Variants in WNK1 observed in about 807,000 individuals in gnomAD.
The protein encoded by WNK1 is WNK lysine deficient protein kinase 1.
Under a neutral mutation model 222.8 loss-of-function variants are expected in WNK1, and 38 were observed. The ratio of observed to expected loss-of-function variants is 0.17; its 90% confidence interval spans 0.13 to 0.22. The LOEUF is 0.22. Among genes scored for constraint, WNK1 ranks in the 10% least tolerant of loss-of-function variants. The probability of loss-of-function intolerance (pLI) is 1.00; values close to 1 mark genes in which losing one functional copy is unlikely to be tolerated. For synonymous variants in WNK1, 1,090 were observed against 1,092.9 expected (o/e 1.00, Z 0.05); for missense variants, 2,348 against 2,918.4 (o/e 0.80, Z 4.50).
At chr12:799,270 GCAC>G (rs1020438013) in intron 1 of WNK1, among the ~76,000 whole-genome samples, 1 of 151,466 alleles carries the variant, frequency 6.6e-6, no homozygotes, top group Non-Finnish European at 1.5e-5. Context: ...CCTCAGGCGT[GCAC>G]CACCATGTCT....
At chr12:790,254 T>C (rs1005547688) in intron 1 of WNK1, among the ~76,000 whole-genome samples, 3 of 152,118 alleles carry the variant, frequency 2.0e-5, no homozygotes, top group Admixed American at 6.5e-5. Context: ...TCTTTTCATG[T>C]TTTTATTTTT....
chr12:860,634 G>T (rs12816718), intron 6 of WNK1, among the ~76,000 whole-genome samples: 25,161 of 152,166 alleles, frequency 0.17, 2,234 homozygotes, highest in Middle Eastern at 0.21. Context: ...AAAAGAAAGT[G>T]AAATCAACAC....
chr12:907,857 C>T lies in WNK1; in HGVS notation c.6654C>T (p.Ser2218=). The T allele has an allele frequency of 6.2e-7, 1 of 1,613,716 alleles. No individual in the cohort carries two copies. Among genetic ancestry groups the T allele is most frequent in the South Asian group, 1.1e-5 (1 of 91,052 alleles). Residue 2218 remains serine, a synonymous_variant, in exon 27 of 28, where the codon AGC becomes AGT. Transcript: ENST00000315939. ...SLSAPGQGTS[S]TNTVGATVNS... Reference sequence around the variant, plus strand: ...TGTTGCTTATAATAGGAACCAGCAGCACAAACACTGTTGGGGCAACAGTGA... The same window carrying T: ...TGTTGCTTATAATAGGAACCAGCAGTACAAACACTGTTGGGGCAACAGTGA...
At chr12:778,308 AT>A (rs1266703631) in intron 1 of WNK1, among the ~76,000 whole-genome samples, 1 of 151,878 alleles carries the variant, frequency 6.6e-6, no homozygotes, top group African/African-American at 2.4e-5. Context: ...ATTTTTTATT[AT>A]TAATTTTTTT....
rs1452143744 is a variant in WNK1, at chr12:757,693, TCTAGAAAGGGATCTGGTTTTTC to T, written c.759+3370_759+3391del. Among the ~76,000 whole-genome samples, 27 of 120,588 alleles carry T rather than the reference TCTAGAAAGGGATCTGGTTTTTC, an allele frequency of 2.2e-4. 4 individuals are homozygous for T. The highest frequency in any genetic ancestry group is 3.2e-4 in the Non-Finnish European group (16 of 50,222). The allele number at this position is 120,588 out of a possible 152,430, so 79.1% of individuals were successfully genotyped here. A position where few individuals can be genotyped will look rare whatever the true frequency, so the allele number is the denominator to read the frequency against. On this transcript the variant is annotated intron_variant, in intron 1 of 27. Transcript: ENST00000315939. ...CTATCTGCAGAGTTTACATTGCTTTTCTAGAAAGGGATCTGGTTTTTCAAAAAAGATAGCATAATTTCCTTTA... is the reference window on the plus strand; with the variant it reads ...CTATCTGCAGAGTTTACATTGCTTTTAAAAAAGATAGCATAATTTCCTTTA...
chr12:823,510 C>T (rs1343257369), intron 2 of WNK1, among the ~76,000 whole-genome samples: 1 of 152,140 alleles, frequency 6.6e-6, no homozygotes, highest in Non-Finnish European at 1.5e-5. Context: ...AAGTTTATTG[C>T]CTTTTTCTTC....
At chr12:875,706 TA>T (rs1284750730) in intron 9 of WNK1, among the ~76,000 whole-genome samples, 13 of 152,212 alleles carry the variant, frequency 8.5e-5, no homozygotes, top group African/African-American at 2.9e-4. Context: ...AGATACAACT[TA>T]GATGGAATGT....
intron 7 of WNK1, among the ~76,000 whole-genome samples, chr12:861,581 C>G (rs1951222659): frequency 6.6e-6 from 1 of 152,138 alleles, no homozygotes; most frequent in Non-Finnish European, 1.5e-5. Flanking sequence ...GCTTCAACAT[C>G]TTGGAGGTTT....
At position 884,704 on chromosome 12, in the gene WNK1, C is replaced by A; in HGVS notation, c.3900C>A (p.Ser1300=). 1 of 1,614,172 alleles carries A rather than the reference C, an allele frequency of 6.2e-7. No homozygotes were observed. Among genetic ancestry groups the A allele is most frequent in the Non-Finnish European group, 8.5e-7 (1 of 1,180,040 alleles). ...PGMNLSHSAS[S]LSLQQAFSEL... is the part of the protein sequence containing the mutation. ...TGAACTTGTCTCACTCTGCATCATC[C>A]CTTAGTCTACAACAGGCCTTTTCTG... The change falls in exon 19 of 28, where the codon TCC becomes TCA. Residue 1300 remains serine, a synonymous_variant. Coordinates refer to ENST00000315939, the MANE Select transcript of WNK1 (RefSeq NM_018979.4). The surrounding 1 kb of genome is among the most constrained non-coding windows in gnomAD (Gnocchi z 5.6).
At chr12:901,406 C>A (rs906289083) in intron 26 of WNK1, among the ~76,000 whole-genome samples, 3 of 152,326 alleles carry the variant, frequency 2.0e-5, no homozygotes. Context: ...CCTAATATTT[C>A]ATCTCTTACA....
chr12:800,828 T>C (rs927026038), intron 1 of WNK1, among the ~76,000 whole-genome samples: 7 of 152,198 alleles, frequency 4.6e-5, no homozygotes, highest in African/African-American at 1.2e-4. Flanking sequence ...TTGATATCTT[T>C]AGAGTAGAAC....
intron 20 of WNK1, 30 bp downstream of exon 20, chr12:887,334 G>A: frequency 5.6e-6 from 9 of 1,609,776 alleles, no homozygotes; most frequent in Non-Finnish European, 6.8e-6. Context: ...ATTTCTTCCT[G>A]TGCCCTACTT....
At chr12:782,044 C>T (rs1288850823) in intron 1 of WNK1, among the ~76,000 whole-genome samples, 1 of 152,100 alleles carries the variant, frequency 6.6e-6, no homozygotes, top group East Asian at 1.9e-4. Flanking sequence ...ATTTTGTATA[C>T]TTGGCTGGAT....
chr12:858,818 T>A (rs1950979507), intron 5 of WNK1, among the ~76,000 whole-genome samples: 1 of 152,172 alleles, frequency 6.6e-6, no homozygotes, highest in Non-Finnish European at 1.5e-5. Flanking sequence ...AATATGAAGA[T>A]TTGTGTTACT....
At chr12:775,130 G>A (rs1285799364) in intron 1 of WNK1, among the ~76,000 whole-genome samples, 1 of 151,970 alleles carries the variant, frequency 6.6e-6, no homozygotes, top group African/African-American at 2.4e-5. Context: ...TTATGTTATA[G>A]TATTAAAATC....
At chr12:813,011 T>A (rs1329675461) in intron 1 of WNK1, among the ~76,000 whole-genome samples, 2 of 151,986 alleles carry the variant, frequency 1.3e-5, no homozygotes, top group Non-Finnish European at 2.9e-5. Context: ...GATGCCAAAG[T>A]AGGAGGATCA....
intron 2 of WNK1, among the ~76,000 whole-genome samples, chr12:817,879 G>T (rs1384423648): frequency 1.3e-5 from 2 of 152,146 alleles, no homozygotes; most frequent in African/African-American, 2.4e-5. Flanking sequence ...CTTGACCCCG[G>T]AAGTGGAGGT....
chr12:762,497 T>G (rs1244636442), intron 1 of WNK1, among the ~76,000 whole-genome samples: 5 of 147,888 alleles, frequency 3.4e-5, no homozygotes, highest in African/African-American at 1.2e-4. Context: ...AATATTTTCA[T>G]CTGCAGTTAG....
At chr12:877,981 G>T (rs1952781471) in intron 9 of WNK1, 1 of 554,592 alleles carries the variant, frequency 1.8e-6, no homozygotes, top group Non-Finnish European at 3.2e-6. Flanking sequence ...AAGAGCCAAT[G>T]GTAACTTGAG....
Sources: allele counts gnomAD v4.1 joint callset (sites outside exome capture counted in the v4.1 genomes callset), GRCh38; gene constraint gnomAD v4.1.1; non-coding constraint Gnocchi (gnomAD v3.1); transcripts MANE v1.5; gene names NCBI Gene and HGNC (gene_info 2026-07-23, HGNC 2026-07-21).